Variants in KCND2 observed in about 807,000 individuals in gnomAD.
The protein encoded by KCND2 is A-type voltage-gated potassium channel KCND2.
In KCND2, 16 loss-of-function variants were observed where a neutral mutation model predicts 54.4. The observed-to-expected ratio is 0.29, with a 90% confidence interval of 0.20 to 0.45. KCND2 has a LOEUF of 0.45. Ranked by LOEUF, KCND2 falls within the 20% of genes least tolerant of loss-of-function variation. KCND2 has a pLI of 1.00. For synonymous variants in KCND2, 317 were observed against 310.7 expected, an observed-to-expected ratio of 1.02 and a Z score of -0.21; for missense variants, 486 against 824.2, an observed-to-expected ratio of 0.59 and a Z score of 5.02.
At chr7:120,585,883 G>T (rs746344189) in intron 1 of KCND2, among the ~76,000 whole-genome samples, 3 of 152,092 alleles carry the variant, frequency 2.0e-5, no homozygotes, top group Admixed American at 6.6e-5. Context: ...AGCCACCATT[G>T]TCTATTCATT....
chr7:120,358,295 A>T (rs1470821640), intron 1 of KCND2, among the ~76,000 whole-genome samples: 2 of 152,094 alleles, frequency 1.3e-5, no homozygotes, highest in Non-Finnish European at 2.9e-5. Context: ...TGTGGTTAGA[A>T]TTATTTTTCT....
At chr7:120,567,995 C>T (rs1157983748) in intron 1 of KCND2, among the ~76,000 whole-genome samples, 1 of 152,000 alleles carries the variant, frequency 6.6e-6, no homozygotes, top group Non-Finnish European at 1.5e-5. Flanking sequence ...ATTAATTTAG[C>T]ACTTCCTTAT....
chr7:120,739,453 A>G (rs1350292756), intron 2 of KCND2, among the ~76,000 whole-genome samples: 1 of 152,030 alleles, frequency 6.6e-6, no homozygotes, highest in Non-Finnish European at 1.5e-5. Flanking sequence ...ACTGCAGCCC[A>G]GCTTTTGAAG....
intron 1 of KCND2, among the ~76,000 whole-genome samples, chr7:120,679,349 A>G (rs1792111691): frequency 6.6e-6 from 1 of 151,952 alleles, no homozygotes; most frequent in African/African-American, 2.4e-5. Context: ...CTTAATAACT[A>G]CTTTTTAATG....
intron 1 of KCND2, among the ~76,000 whole-genome samples, chr7:120,669,003 C>T (rs547869909): frequency 9.9e-5 from 15 of 152,194 alleles, no homozygotes; most frequent in African/African-American, 3.6e-4. Context: ...GTCTATTCTT[C>T]ATACTTTCAG....
intron 1 of KCND2, among the ~76,000 whole-genome samples, chr7:120,408,917 A>G (rs1801406256): frequency 6.6e-6 from 1 of 151,946 alleles, no homozygotes; most frequent in Non-Finnish European, 1.5e-5. Context: ...GAGCGCAAAA[A>G]TACCTTAAGG....
chr7:120,392,149 C>T (rs748583541), intron 1 of KCND2, among the ~76,000 whole-genome samples: 3 of 152,036 alleles, frequency 2.0e-5, no homozygotes, highest in African/African-American at 7.2e-5. Flanking sequence ...CCAGTTTTCC[C>T]AGCACCCTTT....
At chr7:120,591,720 C>T (rs1792674140) in intron 1 of KCND2, among the ~76,000 whole-genome samples, 1 of 152,142 alleles carries the variant, frequency 6.6e-6, no homozygotes, top group Non-Finnish European at 1.5e-5. Flanking sequence ...TAATATTGGG[C>T]TAGTCTCTGA....
intron 1 of KCND2, among the ~76,000 whole-genome samples, chr7:120,358,435 C>T (rs1343634401): frequency 6.6e-6 from 1 of 152,120 alleles, no homozygotes; most frequent in East Asian, 1.9e-4. Context: ...GATAAGCAGT[C>T]ATCATTGTCT....
intron 1 of KCND2, among the ~76,000 whole-genome samples, chr7:120,673,900 C>CTTTTTTTTTTTTTTTTT (rs1215343589): frequency 6.7e-6 from 1 of 148,728 alleles, no homozygotes; most frequent in African/African-American, 2.5e-5. Context: ...TTACCTGCCT[C>CTTTTTTTTTTTTTTTTT]TTTTATTTAT....
chr7:120,409,557 T>A (rs1801417121), intron 1 of KCND2, among the ~76,000 whole-genome samples: 1 of 151,928 alleles, frequency 6.6e-6, no homozygotes, highest in African/African-American at 2.4e-5. Flanking sequence ...TGCCCAAATT[T>A]GCTGTGGTCA....
At chr7:120,521,840 C>T (rs1291084407) in intron 1 of KCND2, among the ~76,000 whole-genome samples, 1 of 151,956 alleles carries the variant, frequency 6.6e-6, no homozygotes, top group Non-Finnish European at 1.5e-5. Context: ...TATAGCAAAA[C>T]ACAGAAAAAT....
At chr7:120,359,177 A>G (rs1222167365) in intron 1 of KCND2, among the ~76,000 whole-genome samples, 1 of 152,162 alleles carries the variant, frequency 6.6e-6, no homozygotes, top group African/African-American at 2.4e-5. Context: ...GCTCTGTATG[A>G]AGCCTACCTT....
chr7:120,485,126 G>C (rs1357066864), intron 1 of KCND2, among the ~76,000 whole-genome samples: 1 of 152,142 alleles, frequency 6.6e-6, no homozygotes, highest in Non-Finnish European at 1.5e-5. Flanking sequence ...GGGCTCAAGT[G>C]ATCCTCCAGC....
At chr7:120,325,709 G>A (rs1045742354) in intron 1 of KCND2, among the ~76,000 whole-genome samples, 2 of 152,038 alleles carry the variant, frequency 1.3e-5, no homozygotes, top group Non-Finnish European at 1.5e-5. Flanking sequence ...ATTAATAGGT[G>A]AAAATAATAA....
intron 1 of KCND2, among the ~76,000 whole-genome samples, chr7:120,398,989 T>A (rs1057159037): frequency 2.0e-5 from 3 of 151,934 alleles, no homozygotes; most frequent in African/African-American, 4.8e-5. Flanking sequence ...AAGCCTTTTT[T>A]AAATCACTCC....
Position 120,455,441 on chromosome 7 carries a change from TAAAAG to T in KCND2, c.1115+179696_1115+179700del, listed in dbSNP as rs199989222. ...CAGTGTGGCAGTTTCTCAGGGAACT[TAAAAG>T]AGAATAATCATTCAACCCAACAATC... On this transcript the variant is annotated intron_variant, in intron 1 of 5. Coordinates refer to ENST00000331113, the MANE Select transcript of KCND2 (RefSeq NM_012281.3). 8.2e-3 allele frequency among the ~76,000 whole-genome samples: 1,252 copies of T among 152,158 alleles called. 13 individuals carry two copies. The highest frequency in any genetic ancestry group is 0.028 in the African/African-American group (1,180 of 41,508).
chr7:120,517,242 T>G (rs1318582611), intron 1 of KCND2, among the ~76,000 whole-genome samples: 1 of 152,114 alleles, frequency 6.6e-6, no homozygotes, highest in Non-Finnish European at 1.5e-5. Flanking sequence ...GGGACAATCA[T>G]AGTTAAAACT....
intron 1 of KCND2, among the ~76,000 whole-genome samples, chr7:120,571,446 A>C (rs534817497): frequency 2.0e-5 from 3 of 152,224 alleles, no homozygotes; most frequent in Admixed American, 1.3e-4. Context: ...GGTTCGTGAA[A>C]GGAACAGAGG....
Sources: gnomAD v4.1 joint callset for allele counts (sites outside exome capture counted in the v4.1 genomes callset) on GRCh38, gnomAD v4.1.1 for gene constraint, MANE v1.5 for transcripts, NCBI Gene and HGNC (gene_info 2026-07-23, HGNC 2026-07-21) for gene names.